ZFAND2A: variants seen among roughly 807,000 people sequenced by gnomAD.
ZFAND2A encodes the protein AN1-type zinc finger protein 2A.
Under a neutral mutation model 11.6 loss-of-function variants are expected in ZFAND2A, and 20 were observed. That is an observed-to-expected ratio of 1.72 (90% CI 1.21 to 2.50). ZFAND2A has a LOEUF of 2.50. ZFAND2A is among the 30% of genes most tolerant of loss of function. ZFAND2A has a pLI of 0.00. For synonymous variants in ZFAND2A, 93 were observed against 60.6 expected, an observed-to-expected ratio of 1.54 and a Z score of -2.48; for missense variants, 234 against 182.9, an observed-to-expected ratio of 1.28 and a Z score of -1.61.
downstream of ZFAND2A, among the ~76,000 whole-genome samples, chr7:1,151,762 T>TAAAAGAAAAAAAAAAAAAAAA (rs1554344525): frequency 2.2e-4 from 19 of 87,152 alleles, 1 homozygote; most frequent in Admixed American, 5.0e-4. Flanking sequence ...TCATCCCTTT[T>TAAAAGAAAAAAAAAAAAAAAA]AAAAAAAAAA....
At chr7:1,157,611 T>C in intron 3 of ZFAND2A, 45 bp downstream of exon 3, 2 of 1,547,302 alleles carry the variant, frequency 1.3e-6, no homozygotes, top group Non-Finnish European at 1.8e-6. Context: ...ACAGTGCAGC[T>C]TCAGACGGTG....
At chr7:1,149,273 C>T (rs1241390234), downstream of ZFAND2A, among the ~76,000 whole-genome samples, 1 of 152,192 alleles carries the variant, frequency 6.6e-6, no homozygotes, top group African/African-American at 2.4e-5. Context: ...TAAACTTAAC[C>T]ACACCGAACA....
In ZFAND2A at chr7:1,153,007, G is replaced by C. The variant is rs925527238; in HGVS notation, c.*62C>G. On this transcript the variant is annotated 3_prime_UTR_variant, in exon 5 of 5. Coordinates refer to ENST00000316495, the MANE Select transcript of ZFAND2A (RefSeq NM_182491.4). ...CTCAATGGGGCTCCACTTCCCACTA[G>C]AGTGTAAGCTGCTTCCACGCATGCT... 2 of 1,603,388 alleles carry C rather than the reference G, an allele frequency of 1.2e-6. No individual in the cohort carries two copies. The highest frequency in any genetic ancestry group is 2.2e-5 in the East Asian group (1 of 44,490).
rs773985917 is a variant in ZFAND2A, at chr7:1,157,629, G to A, written c.150+27C>T. ...GTGCAGCTTCAGACGGTGAAGATGA[G>A]AATCTTTTGAACAAAGGATCAATTA... is the stretch of plus-strand genomic sequence containing the variant. On this transcript the variant is annotated intron_variant, in intron 3 of 4. Transcript: ENST00000316495. The A allele has an allele frequency of 3.8e-6, 6 of 1,570,122 alleles. No individual in the cohort carries two copies. In the African/African-American group the frequency reaches 5.5e-5, roughly 14 times the overall value.
At chr7:1,152,675 G>C (rs556058873), downstream of ZFAND2A, among the ~76,000 whole-genome samples, 14 of 152,192 alleles carry the variant, frequency 9.2e-5, 1 homozygote, top group East Asian at 2.1e-3. Flanking sequence ...GACACACACA[G>C]AATGCCATGT....
downstream of ZFAND2A, among the ~76,000 whole-genome samples, chr7:1,149,164 C>T (rs529370019): frequency 2.0e-4 from 30 of 152,244 alleles, no homozygotes; most frequent in African/African-American, 7.0e-4. Flanking sequence ...AAATTAAAAA[C>T]ATTTTTTCAT....
At chr7:1,154,456 C>T (rs568861493) in intron 4 of ZFAND2A, among the ~76,000 whole-genome samples, 8 of 152,246 alleles carry the variant, frequency 5.3e-5, no homozygotes, top group Non-Finnish European at 1.0e-4. Context: ...GTGTGGGGGC[C>T]TTGGGGCAGT....
At position 1,152,962 on chromosome 7, in the gene ZFAND2A, G is replaced by A. The variant is rs759082295; in HGVS notation, c.*107C>T. 2.1e-5 allele frequency: 30 copies of A among 1,434,226 alleles called. No homozygotes were observed. The highest frequency in any genetic ancestry group is 2.7e-5 in the Non-Finnish European group (28 of 1,035,250). The allele number at this position is 1,434,226 out of a possible 1,614,324, so 88.8% of individuals were successfully genotyped here. A position where few individuals can be genotyped will look rare whatever the true frequency, so the allele number is the denominator to read the frequency against. ...CCATCTCCCTCAACAAACAAGATCA[G>A]CAGCCAGTGTGGGATGGTGCTCAAT... On this transcript the variant is annotated 3_prime_UTR_variant, in exon 5 of 5. Transcript: ENST00000316495.
At chr7:1,154,459 G>C (rs913808428) in intron 4 of ZFAND2A, among the ~76,000 whole-genome samples, 15 of 152,206 alleles carry the variant, frequency 9.9e-5, no homozygotes, top group South Asian at 2.1e-4. Context: ...TGGGGGCCTT[G>C]GGGCAGTGCT....
chr7:1,151,897 C>T (rs950700097), downstream of ZFAND2A, among the ~76,000 whole-genome samples: 5 of 151,914 alleles, frequency 3.3e-5, no homozygotes, highest in East Asian at 3.9e-4. Flanking sequence ...ATAACCCACA[C>T]GGCAGTGCAA....
downstream of ZFAND2A, among the ~76,000 whole-genome samples, chr7:1,150,847 CA>C (rs1793384400): frequency 1.9e-4 from 28 of 150,976 alleles, no homozygotes; most frequent in African/African-American, 6.3e-4. Context: ...GATCCAGGTG[CA>C]AAGCAGCTCT....
chr7:1,158,310 C>T, intron 1 of ZFAND2A, 53 bp from the exon 2 acceptor site: 1 of 1,075,870 alleles, frequency 9.3e-7, no homozygotes, highest in East Asian at 2.4e-5. Flanking sequence ...CTTCAGTCAC[C>T]AGGATTTACA....
downstream of ZFAND2A, among the ~76,000 whole-genome samples, chr7:1,152,744 G>A (rs1463614069): frequency 2.0e-5 from 3 of 152,142 alleles, no homozygotes; most frequent in Admixed American, 6.5e-5. Context: ...CTGGGGAGAC[G>A]CAGCCGATGC....
chr7:1,153,864 AGAG>A (rs1256106395), intron 4 of ZFAND2A, among the ~76,000 whole-genome samples: 2 of 152,058 alleles, frequency 1.3e-5, no homozygotes, highest in Admixed American at 6.6e-5. Flanking sequence ...GAGAATTGCT[AGAG>A]GAGGCAGAGG....
At chr7:1,152,848 G>C, downstream of ZFAND2A, 1 of 730,780 alleles carries the variant, frequency 1.4e-6, no homozygotes, top group Non-Finnish European at 2.4e-6. Flanking sequence ...TCTATGGTTT[G>C]AGCCACCCAG....
chr7:1,159,140 C>T (rs1285119277), intron 1 of ZFAND2A, among the ~76,000 whole-genome samples: 2 of 152,208 alleles, frequency 1.3e-5, no homozygotes, highest in Non-Finnish European at 2.9e-5. Context: ...TAGTCCTTTC[C>T]CAGCCCTCCT....
chr7:1,150,811 G>C (rs972406204), downstream of ZFAND2A, among the ~76,000 whole-genome samples: 9 of 151,680 alleles, frequency 5.9e-5, no homozygotes, highest in Non-Finnish European at 8.8e-5. Context: ...GTGGCATTTT[G>C]CAACTTTCTT....
At chr7:1,150,018 A>G (rs940066146), downstream of ZFAND2A, among the ~76,000 whole-genome samples, 1 of 151,844 alleles carries the variant, frequency 6.6e-6, no homozygotes, top group African/African-American at 2.4e-5. Context: ...ACGCCCGGCT[A>G]ATTTTTGTAT....
rs961729290 is a variant in ZFAND2A, at chr7:1,153,380, A to G, written c.283-156T>C. ...CTCCTGCTTCAGCCTAGTACCTGGT[A>G]CTACAGGCACACACCGCCACGTCCA... is the stretch of plus-strand genomic sequence containing the variant. On this transcript the variant is annotated intron_variant, in intron 4 of 4. Transcript: ENST00000316495. 1.8e-5 allele frequency: 13 copies of G among 740,644 alleles called. No homozygotes were observed. The African/African-American group carries it at 2.3e-4, about 13-fold the overall frequency. 45.9% of individuals were successfully genotyped at this position (740,644 alleles called of 1,614,324 possible). A position where few individuals can be genotyped will look rare whatever the true frequency, so the allele number is the denominator to read the frequency against.
Sources: gnomAD v4.1 joint callset for allele counts (sites outside exome capture counted in the v4.1 genomes callset) on GRCh38, gnomAD v4.1.1 for gene constraint, MANE v1.5 for transcripts, NCBI Gene and HGNC (gene_info 2026-07-23, HGNC 2026-07-21) for gene names.